Variants in MSR1 observed in about 807,000 individuals in gnomAD.
MSR1 encodes the protein macrophage scavenger receptor types I and II.
A neutral mutation model predicts 47.2 loss-of-function variants in MSR1; 53 were observed. The ratio of observed to expected loss-of-function variants is 1.12; its 90% CI spans 0.90 to 1.41. The LOEUF is 1.41. Ranked by LOEUF, MSR1 falls within the 40% of genes most tolerant of loss-of-function variation. The probability of loss-of-function intolerance (pLI) is 0.00; values close to 1 mark genes in which losing one functional copy is unlikely to be tolerated. For missense variants in MSR1, 786 were observed against 546.9 expected (o/e 1.44, Z -4.36); for synonymous variants, 239 against 185.6 (o/e 1.29, Z -2.34).
chr8:16,186,470 G>A (rs926262680), intron 1 of MSR1, among the ~76,000 whole-genome samples: 1 of 152,006 alleles, frequency 6.6e-6, no homozygotes, highest in African/African-American at 2.4e-5. Flanking sequence ...CTAATATGGT[G>A]CAAACCTAGA....
chr8:16,109,174 A>ACCCCCCCCC lies in MSR1; in HGVS notation c.*902_*910dup, dbSNP rs3036788. ...CTTTAGGACTAAAGACGCACCCCCCACCCCCCCCCCCGCCCTTTGGTTGTA... is the reference window on the plus strand; with the variant it reads ...CTTTAGGACTAAAGACGCACCCCCCACCCCCCCCCCCCCCCCCCCCGCCCTTTGGTTGTA... On this transcript the variant is annotated 3_prime_UTR_variant, in exon 10 of 10. Transcript: ENST00000262101. The ACCCCCCCCC allele has an allele frequency of 9.0e-6, 1 of 111,348 alleles. No individual in the cohort carries two copies. The highest frequency in any genetic ancestry group is 1.7e-5 in the Non-Finnish European group (1 of 57,172). The allele number at this position is 111,348 out of a possible 1,614,324, so 6.9% of individuals were successfully genotyped here.
chr8:16,177,295 T>C (rs944630715), intron 2 of MSR1, among the ~76,000 whole-genome samples: 1 of 152,088 alleles, frequency 6.6e-6, no homozygotes, highest in African/African-American at 2.4e-5. Flanking sequence ...ATCTAATGAC[T>C]GATGTCTTTG....
At chr8:16,121,971 T>C (rs1258939083) in intron 8 of MSR1, among the ~76,000 whole-genome samples, 3 of 152,078 alleles carry the variant, frequency 2.0e-5, no homozygotes, top group Non-Finnish European at 4.4e-5. Flanking sequence ...AGTAATTTAA[T>C]AACATTTAAA....
In MSR1 at chr8:16,190,629, T is replaced by C. The variant is rs560356099; in HGVS notation, c.-5+1969A>G. 5.3e-5 allele frequency among the ~76,000 whole-genome samples: 8 copies of C among 152,290 alleles called. No homozygotes were observed. The South Asian group carries it at 1.2e-3, about 24-fold the overall frequency. On this transcript the variant is annotated intron_variant, in intron 1 of 9. Transcript: ENST00000262101. ...GAATCAGCTCTTTATGTTTAATACA[T>C]ATTTACCATCTGTCTTTTCATACTT...
intron 8 of MSR1, among the ~76,000 whole-genome samples, chr8:16,126,145 A>C (rs1025537692): frequency 9.2e-5 from 14 of 152,190 alleles, no homozygotes; most frequent in African/African-American, 3.4e-4. Flanking sequence ...CAAATTATTT[A>C]AAGTGTTCCA....
At chr8:16,129,868 T>C (rs892737347) in intron 8 of MSR1, among the ~76,000 whole-genome samples, 1 of 152,004 alleles carries the variant, frequency 6.6e-6, no homozygotes, top group Non-Finnish European at 1.5e-5. Context: ...TTGAGCAAAA[T>C]AAATAATCTT....
chr8:16,169,617 G>GTCTCAATAATATGATAAGGGT (rs1387242655), intron 3 of MSR1, among the ~76,000 whole-genome samples: 2 of 151,990 alleles, frequency 1.3e-5, no homozygotes, highest in East Asian at 3.8e-4. Flanking sequence ...TAGGATTTTG[G>GTCTCAATAATATGATAAGGGT]TGTACGTGTC....
At chr8:16,143,644 T>A (rs1234574825) in intron 7 of MSR1, 33 bp from the exon 8 acceptor site, 1 of 1,545,988 alleles carries the variant, frequency 6.5e-7, no homozygotes, top group Non-Finnish European at 8.9e-7. Flanking sequence ...TTGTTTTTAA[T>A]CAGGGCAATT....
intron 8 of MSR1, among the ~76,000 whole-genome samples, chr8:16,143,147 C>T (rs1800604863): frequency 6.6e-6 from 1 of 152,058 alleles, no homozygotes; most frequent in Non-Finnish European, 1.5e-5. Context: ...GAGCCCCAGA[C>T]ATCAGATAGT....
At position 16,108,200 on chromosome 8, in the gene MSR1, A is replaced by G. The variant is rs1395633501; in HGVS notation, c.*1885T>C. ...TAGTACTAGTAATAGTACTAGTAATAGCAATAGTACTAGTACTAGCAATAG... is the reference window on the plus strand; with the variant it reads ...TAGTACTAGTAATAGTACTAGTAATGGCAATAGTACTAGTACTAGCAATAG... On this transcript the variant is annotated 3_prime_UTR_variant, in exon 10 of 10. Transcript: ENST00000262101. 1 of 144,866 alleles carries G rather than the reference A, an allele frequency of 6.9e-6. No individual in the cohort carries two copies. The highest frequency in any genetic ancestry group is 1.5e-5 in the Non-Finnish European group (1 of 65,282). 9.0% of individuals were successfully genotyped at this position (144,866 alleles called of 1,614,324 possible). A position where few individuals can be genotyped will look rare whatever the true frequency, so the allele number is the denominator to read the frequency against.
chr8:16,141,235 A>G lies in MSR1; in HGVS notation c.1033+2323T>C, dbSNP rs1173875888. 3 of 631,378 alleles carry G rather than the reference A, an allele frequency of 4.8e-6. No homozygotes were observed. In the East Asian group the frequency reaches 8.3e-5, roughly 17 times the overall value. 39.1% of individuals were successfully genotyped at this position (631,378 alleles called of 1,614,324 possible). A position where few individuals can be genotyped will look rare whatever the true frequency, so the allele number is the denominator to read the frequency against. On this transcript the variant is annotated intron_variant, in intron 8 of 9. Transcript: ENST00000262101. ...AAGCTTTTAGCAGCCATTTACAATA[A>G]TTCATCAAATGGTAAAATGTATGTA...
chr8:16,141,032 G>A (rs903097728), intron 8 of MSR1: 2 of 1,613,078 alleles, frequency 1.2e-6, no homozygotes, highest in East Asian at 2.2e-5. Context: ...TATGATCAGT[G>A]AGTTGTACTG....
intron 8 of MSR1, among the ~76,000 whole-genome samples, chr8:16,133,401 A>G (rs1290949707): frequency 1.3e-5 from 2 of 152,170 alleles, no homozygotes; most frequent in Non-Finnish European, 2.9e-5. Flanking sequence ...ATGCCCAATG[A>G]TTTCCCATTG....
At chr8:16,114,897 G>T (rs553798116) in intron 9 of MSR1, among the ~76,000 whole-genome samples, 3 of 152,230 alleles carry the variant, frequency 2.0e-5, no homozygotes, top group African/African-American at 7.2e-5. Context: ...TTGTTTTCTG[G>T]CTGGGCACAG....
At chr8:16,135,103 T>C (rs1282192304) in intron 8 of MSR1, among the ~76,000 whole-genome samples, 1 of 152,152 alleles carries the variant, frequency 6.6e-6, no homozygotes, top group East Asian at 1.9e-4. Flanking sequence ...CCAGAAGATC[T>C]AGTTAGGATA....
chr8:16,179,249 G>C (rs1475134786), intron 1 of MSR1, among the ~76,000 whole-genome samples: 1 of 152,118 alleles, frequency 6.6e-6, no homozygotes, highest in East Asian at 1.9e-4. Flanking sequence ...GATCTGATTT[G>C]ACTTCTTACA....
chr8:16,183,599 T>G (rs1036827020), intron 1 of MSR1, among the ~76,000 whole-genome samples: 1 of 138,512 alleles, frequency 7.2e-6, no homozygotes, highest in South Asian at 2.2e-4. Flanking sequence ...CATAATATAT[T>G]ATATAATAGG....
intron 1 of MSR1, among the ~76,000 whole-genome samples, chr8:16,192,366 T>C (rs992599126): frequency 2.0e-5 from 3 of 152,146 alleles, no homozygotes; most frequent in Non-Finnish European, 4.4e-5. Flanking sequence ...CTTGTGAACA[T>C]ATATGTTTTT....
At chr8:16,132,375 A>G (rs117885518) in intron 8 of MSR1, among the ~76,000 whole-genome samples, 1,948 of 152,210 alleles carry the variant, frequency 0.013, 32 homozygotes, top group Non-Finnish European at 0.021. Context: ...TTATCAGCTG[A>G]AAGAGCTTTT....
Sources: allele counts gnomAD v4.1 joint callset (sites outside exome capture counted in the v4.1 genomes callset), GRCh38; gene constraint gnomAD v4.1.1; transcripts MANE v1.5; gene names NCBI Gene and HGNC (gene_info 2026-07-23, HGNC 2026-07-21).